Variants in CPNE4 observed in about 807,000 individuals in gnomAD.
CPNE4 encodes the protein copine-4.
In CPNE4, 25 loss-of-function variants were observed where a neutral mutation model predicts 67.9. The observed-to-expected ratio is 0.37, with a 90% CI of 0.27 to 0.51. The LOEUF is 0.51. CPNE4 is among the 20% of genes least tolerant of loss of function. CPNE4 has a pLI of 0.93. For missense variants in CPNE4, 464 were observed against 690.8 expected, an observed-to-expected ratio of 0.67 and a Z score of 3.68; for synonymous variants, 242 against 244.9, an observed-to-expected ratio of 0.99 and a Z score of 0.11.
intron 8 of CPNE4, among the ~76,000 whole-genome samples, chr3:131,587,067 G>T (rs2107700688): frequency 6.6e-6 from 1 of 152,284 alleles, no homozygotes; most frequent in Middle Eastern, 3.4e-3. Context: ...GGAAATGCTA[G>T]CTATGTGCTA....
upstream of CPNE4, among the ~76,000 whole-genome samples, chr3:132,037,295 C>CGT (rs2074356580): frequency 6.6e-6 from 1 of 152,096 alleles, no homozygotes; most frequent in Admixed American, 6.6e-5. Flanking sequence ...GCGCAGAAAA[C>CGT]GTGCAGCTTT....
intron 7 of CPNE4, among the ~76,000 whole-genome samples, chr3:131,625,329 T>C (rs138267058): frequency 1.3e-5 from 2 of 152,226 alleles, no homozygotes; most frequent in African/African-American, 4.8e-5. Context: ...TCATAAATTA[T>C]ATTACCATAT....
At chr3:131,681,887 C>T (rs1209478604) in intron 6 of CPNE4, among the ~76,000 whole-genome samples, 1 of 151,962 alleles carries the variant, frequency 6.6e-6, no homozygotes, top group Non-Finnish European at 1.5e-5. Flanking sequence ...ATTCTTTCTT[C>T]TGCTTGATCA....
chr3:131,835,059 C>A (rs2085503727), intron 2 of CPNE4, among the ~76,000 whole-genome samples: 1 of 152,194 alleles, frequency 6.6e-6, no homozygotes, highest in African/African-American at 2.4e-5. Flanking sequence ...AACAAACACC[C>A]TGGATACACT....
chr3:131,748,413 AT>A (rs545244512), intron 2 of CPNE4, among the ~76,000 whole-genome samples: 5 of 151,686 alleles, frequency 3.3e-5, no homozygotes, highest in East Asian at 1.9e-4. Flanking sequence ...TTTTTTAATA[AT>A]TTTTTTGTCT....
At chr3:131,886,075 T>G (rs1415380350) in intron 2 of CPNE4, among the ~76,000 whole-genome samples, 1 of 152,142 alleles carries the variant, frequency 6.6e-6, no homozygotes, top group African/African-American at 2.4e-5. Flanking sequence ...ATGTCAGAGA[T>G]CTTCACAGCA....
intron 7 of CPNE4, among the ~76,000 whole-genome samples, chr3:131,589,552 A>G (rs1938405374): frequency 6.6e-6 from 1 of 152,204 alleles, no homozygotes; most frequent in Admixed American, 6.5e-5. Context: ...CAATACCCTC[A>G]GAGACATACC....
At chr3:131,835,477 C>G (rs1169354835) in intron 2 of CPNE4, among the ~76,000 whole-genome samples, 1 of 151,862 alleles carries the variant, frequency 6.6e-6, no homozygotes, top group Non-Finnish European at 1.5e-5. Context: ...TGCAGTGAGC[C>G]AAGTTCGTGC....
chr3:131,680,753 A>T (rs1041251213), intron 6 of CPNE4, among the ~76,000 whole-genome samples: 4 of 151,800 alleles, frequency 2.6e-5, no homozygotes, highest in African/African-American at 9.7e-5. Context: ...GATTTGTGAG[A>T]TTTGGTGCAC....
At chr3:131,958,827 T>C (rs1010279409) in intron 1 of CPNE4, among the ~76,000 whole-genome samples, 1 of 151,388 alleles carries the variant, frequency 6.6e-6, no homozygotes, top group Non-Finnish European at 1.5e-5. Flanking sequence ...CCCAGCTAAT[T>C]TTTTGTATTT....
chr3:131,832,185 T>C (rs1377547408), intron 2 of CPNE4, among the ~76,000 whole-genome samples: 3 of 152,174 alleles, frequency 2.0e-5, no homozygotes, highest in African/African-American at 7.2e-5. Flanking sequence ...ATATAGCAAG[T>C]ATTATAGATT....
chr3:131,685,280 T>A (rs1241938506), intron 6 of CPNE4, among the ~76,000 whole-genome samples: 1 of 152,134 alleles, frequency 6.6e-6, no homozygotes, highest in Non-Finnish European at 1.5e-5. Flanking sequence ...CTAAACATCC[T>A]CATTAAATGA....
chr3:131,876,798 C>T (rs2087479342), intron 2 of CPNE4, among the ~76,000 whole-genome samples: 1 of 152,154 alleles, frequency 6.6e-6, no homozygotes, highest in Admixed American at 6.5e-5. Flanking sequence ...GAGTACATCA[C>T]TAACCAGAAG....
intron 2 of CPNE4, among the ~76,000 whole-genome samples, chr3:131,880,462 C>G (rs2087631478): frequency 6.6e-6 from 1 of 152,144 alleles, no homozygotes; most frequent in South Asian, 2.1e-4. Context: ...TGTCAGTGAC[C>G]AGGTGATGCT....
At chr3:131,883,279 A>C (rs977825980) in intron 2 of CPNE4, among the ~76,000 whole-genome samples, 1 of 152,146 alleles carries the variant, frequency 6.6e-6, no homozygotes, top group South Asian at 2.1e-4. Flanking sequence ...AGTGTTACCC[A>C]TCATCATTCA....
intron 2 of CPNE4, among the ~76,000 whole-genome samples, chr3:131,799,619 G>T (rs2084019167): frequency 6.6e-6 from 1 of 152,042 alleles, no homozygotes; most frequent in African/African-American, 2.4e-5. Flanking sequence ...ACATTCCTCA[G>T]CAACCCTGAA....
rs1311888523 is a variant in CPNE4, at chr3:131,622,013, T to C, written c.682-34431A>G. ...CAGCCTGGGCAACAAAGCCAGACCC[T>C]GTCTCAAAAAAAAAAAAAAAAAAAA... On this transcript the variant is annotated intron_variant, in intron 7 of 15. Coordinates refer to ENST00000429747, the MANE Select transcript of CPNE4 (RefSeq NM_130808.3). 2.7e-4 allele frequency among the ~76,000 whole-genome samples: 32 copies of C among 119,638 alleles called. 1 individual carries two copies. In the South Asian group the frequency reaches 7.9e-3, roughly 29 times the overall value. 78.5% of individuals were successfully genotyped at this position (119,638 alleles called of 152,430 possible).
intron 3 of CPNE4, among the ~76,000 whole-genome samples, chr3:131,720,690 C>G (rs114286047): frequency 6.6e-6 from 1 of 152,116 alleles, no homozygotes; most frequent in Non-Finnish European, 1.5e-5. Flanking sequence ...CATTACACTG[C>G]TCTCAGAATT....
chr3:131,704,075 T>C (rs75220149), intron 3 of CPNE4, among the ~76,000 whole-genome samples: 2,714 of 152,316 alleles, frequency 0.018, 92 homozygotes, highest in African/African-American at 0.062. Flanking sequence ...GAGATTTCTT[T>C]GGTACAGGAG....
Sources: gnomAD v4.1 joint callset for allele counts (sites outside exome capture counted in the v4.1 genomes callset) on GRCh38, gnomAD v4.1.1 for gene constraint, MANE v1.5 for transcripts, NCBI Gene and HGNC (gene_info 2026-07-23, HGNC 2026-07-21) for gene names.